Variants in GBE1 observed in about 807,000 individuals in gnomAD.
GBE1 encodes the protein 1,4-alpha-glucan branching enzyme 1, also known as 1,4-alpha-glucan-branching enzyme.
Under a neutral mutation model 88.8 loss-of-function variants are expected in GBE1, and 70 were observed. The ratio of observed to expected loss-of-function variants is 0.79; its 90% CI spans 0.65 to 0.96. The LOEUF (loss-of-function observed/expected upper bound fraction) is 0.96. Ranked by LOEUF, GBE1 falls within the 40% of genes least tolerant of loss-of-function variation. The probability of loss-of-function intolerance (pLI) is 0.00; values close to 1 mark genes in which losing one functional copy is unlikely to be tolerated. For synonymous variants in GBE1, 284 were observed against 300.1 expected, an observed-to-expected ratio of 0.95 and a Z score of 0.56; for missense variants, 872 against 871.0, an observed-to-expected ratio of 1.00 and a Z score of -0.01.
intron 7 of GBE1, among the ~76,000 whole-genome samples, chr3:81,596,478 G>A (rs1364927823): frequency 1.3e-5 from 2 of 151,826 alleles, no homozygotes; most frequent in South Asian, 2.1e-4. Flanking sequence ...TATCAGTTAT[G>A]CAAAAAATAA....
chr3:81,532,852 C>T (rs1703027647), intron 14 of GBE1, among the ~76,000 whole-genome samples: 1 of 152,114 alleles, frequency 6.6e-6, no homozygotes, highest in South Asian at 2.1e-4. Flanking sequence ...GCTGAAATGG[C>T]TTTCTTCATT....
intron 2 of GBE1, among the ~76,000 whole-genome samples, chr3:81,693,199 G>A (rs1283473294): frequency 6.6e-6 from 1 of 151,966 alleles, no homozygotes; most frequent in Non-Finnish European, 1.5e-5. Flanking sequence ...CAGTCCAACA[G>A]TTTTGGTTTA....
intron 3 of GBE1, among the ~76,000 whole-genome samples, chr3:81,650,815 C>T (rs1269170922): frequency 1.3e-5 from 2 of 152,066 alleles, no homozygotes; most frequent in Non-Finnish European, 2.9e-5. Context: ...CAGGCATGTA[C>T]CACCATGCTC....
At chr3:81,567,463 T>C (rs143361263) in intron 12 of GBE1, among the ~76,000 whole-genome samples, 1 of 152,336 alleles carries the variant, frequency 6.6e-6, no homozygotes, top group Non-Finnish European at 1.5e-5. Flanking sequence ...TCCAGTTCTC[T>C]GAGTTCAAAC....
intron 12 of GBE1, among the ~76,000 whole-genome samples, chr3:81,555,445 A>G (rs978523888): frequency 6.6e-6 from 1 of 152,212 alleles, no homozygotes; most frequent in African/African-American, 2.4e-5. Context: ...ATAGCAAAGG[A>G]AAGAACACAG....
At chr3:81,520,332 C>CT (rs1336437675) in intron 14 of GBE1, among the ~76,000 whole-genome samples, 1 of 151,486 alleles carries the variant, frequency 6.6e-6, no homozygotes, top group Non-Finnish European at 1.5e-5. Context: ...ACGTTTCAAA[C>CT]TTTTTCATTA....
intron 1 of GBE1, among the ~76,000 whole-genome samples, chr3:81,742,289 A>T (rs1298220760): frequency 3.3e-5 from 5 of 152,192 alleles, no homozygotes; most frequent in Middle Eastern, 6.8e-3. Context: ...TGAACGTTAT[A>T]AAAAAATCAG....
At chr3:81,759,693 G>T (rs187087615) in intron 1 of GBE1, among the ~76,000 whole-genome samples, 407 of 152,304 alleles carry the variant, frequency 2.7e-3, no homozygotes, top group South Asian at 4.6e-3. Flanking sequence ...AAGCACACTG[G>T]ATTCTCTTCC....
At chr3:81,654,947 G>A (rs1034172069) in intron 3 of GBE1, 1 of 152,142 alleles carries the variant, frequency 6.6e-6, no homozygotes, top group Non-Finnish European at 1.5e-5. Context: ...TGGCCACAGA[G>A]TATTTGCCAG....
chr3:81,640,156 T>A (rs1704650593), intron 7 of GBE1, among the ~76,000 whole-genome samples: 1 of 152,170 alleles, frequency 6.6e-6, no homozygotes, highest in African/African-American at 2.4e-5. Context: ...TTATACTGAC[T>A]GTCAACTTGA....
intron 14 of GBE1, among the ~76,000 whole-genome samples, chr3:81,532,104 G>A (rs1485256422): frequency 2.0e-5 from 3 of 151,906 alleles, no homozygotes; most frequent in Admixed American, 6.6e-5. Flanking sequence ...GGGTGGGGGA[G>A]GGTTGGTATA....
At chr3:81,712,201 G>A (rs1247845268) in intron 1 of GBE1, among the ~76,000 whole-genome samples, 2 of 152,198 alleles carry the variant, frequency 1.3e-5, no homozygotes, top group Non-Finnish European at 2.9e-5. Context: ...TACACTGTTG[G>A]TGGGACTGTA....
At chr3:81,625,442 G>A (rs1053778015) in intron 7 of GBE1, among the ~76,000 whole-genome samples, 4 of 151,700 alleles carry the variant, frequency 2.6e-5, no homozygotes, top group African/African-American at 9.7e-5. Flanking sequence ...ATAAAATCCT[G>A]GACTGTTTTT....
At chr3:81,502,071 A>G (rs1027289484) in intron 14 of GBE1, among the ~76,000 whole-genome samples, 6 of 151,240 alleles carry the variant, frequency 4.0e-5, no homozygotes, top group African/African-American at 1.5e-4. Context: ...ATTAAATAAT[A>G]TTTAATCGTT....
At chr3:81,744,277 T>C (rs1706393067) in intron 1 of GBE1, among the ~76,000 whole-genome samples, 1 of 121,170 alleles carries the variant, frequency 8.3e-6, no homozygotes, top group Non-Finnish European at 1.7e-5. Context: ...AGGTAAAATA[T>C]CTCATCAGTA....
At chr3:81,691,055 A>G (rs370796647) in intron 2 of GBE1, among the ~76,000 whole-genome samples, 1 of 152,100 alleles carries the variant, frequency 6.6e-6, no homozygotes, top group East Asian at 1.9e-4. Flanking sequence ...ATGGCCGATG[A>G]TGAAGGTGTA....
At chr3:81,581,743 A>G (rs1703734809) in intron 10 of GBE1, among the ~76,000 whole-genome samples, 1 of 152,120 alleles carries the variant, frequency 6.6e-6, no homozygotes, top group African/African-American at 2.4e-5. Context: ...TTCAAAATTT[A>G]AAGTTAATTA....
rs34707682 is a variant in GBE1 at position 81,629,018 on chromosome 3, G to GTTTTTT, written c.992+13757_992+13762dup. Among the ~76,000 whole-genome samples the GTTTTTT allele has an allele frequency of 6.5e-3, 634 of 97,424 alleles. 4 individuals carry two copies. Among genetic ancestry groups the GTTTTTT allele is most frequent in the African/African-American group, 0.011 (248 of 22,540 alleles). The allele number at this position is 97,424 out of a possible 152,430, so 63.9% of individuals were successfully genotyped here. A position where few individuals can be genotyped will look rare whatever the true frequency, so the allele number is the denominator to read the frequency against. ...AATAATTAGTGACTATTATGTTTAA[G>GTTTTTT]TTTTTTTTTTTTTTTTTTTTTTATT... On this transcript the variant is annotated intron_variant, in intron 7 of 15. Transcript: ENST00000429644.
At chr3:81,680,325 C>T (rs1705320840) in intron 2 of GBE1, among the ~76,000 whole-genome samples, 1 of 151,932 alleles carries the variant, frequency 6.6e-6, no homozygotes, top group Admixed American at 6.6e-5. Flanking sequence ...AACACCGTCT[C>T]TACTAAAAAT....
Sources: allele counts gnomAD v4.1 joint callset (sites outside exome capture counted in the v4.1 genomes callset), GRCh38; gene constraint gnomAD v4.1.1; transcripts MANE v1.5; gene names NCBI Gene and HGNC (gene_info 2026-07-23, HGNC 2026-07-21).